HOXB3: variants seen among roughly 807,000 people sequenced by gnomAD.
HOXB3 encodes homeobox B3.
A neutral mutation model predicts 29.2 loss-of-function variants in HOXB3; 17 were observed. The observed-to-expected ratio is 0.58, with a 90% CI of 0.40 to 0.87. The LOEUF is 0.87. HOXB3 is among the 40% of genes least tolerant of loss of function. The probability of loss-of-function intolerance (pLI) is 0.00; values close to 1 mark genes in which losing one functional copy is unlikely to be tolerated. For missense variants in HOXB3, 637 were observed against 616.3 expected (o/e 1.03, Z -0.35); for synonymous variants, 317 against 285.9 (o/e 1.11, Z -1.10).
At chr17:48,562,799 A>C (rs1199959756) in intron 2 of HOXB3, among the ~76,000 whole-genome samples, 1 of 152,096 alleles carries the variant, frequency 6.6e-6, no homozygotes, top group African/African-American at 2.4e-5. Context: ...AATGCAAAAC[A>C]ATTTCCAGGC....
intron 2 of HOXB3, among the ~76,000 whole-genome samples, chr17:48,561,226 A>G (rs897636787): frequency 6.7e-6 from 1 of 149,816 alleles, no homozygotes; most frequent in Admixed American, 6.6e-5. Flanking sequence ...ACACACACAC[A>G]CTGAACAATG....
In HOXB3 at chr17:48,550,604, C is replaced by T. The variant is rs1349425382; in HGVS notation, c.1026G>A (p.Gly342=). 1 of 1,520,696 alleles carries T rather than the reference C, an allele frequency of 6.6e-7. No homozygotes were observed. The highest frequency in any genetic ancestry group is 8.8e-7 in the Non-Finnish European group (1 of 1,139,742). The allele number at this position is 1,520,696 out of a possible 1,614,324, so 94.2% of individuals were successfully genotyped here. A position where few individuals can be genotyped will look rare whatever the true frequency, so the allele number is the denominator to read the frequency against. ...CCGGACTGCCCTGCATGGTGGGCGT[C>T]CCGTAGGCGCCCCCGTTGGCTTGGA... ...HVLQANGGAY[G]TPTMQGSPVY... Residue 342 remains glycine, a synonymous_variant, in exon 5 of 5, where the codon GGG becomes GGA. Transcript: ENST00000498678.
intron 2 of HOXB3, among the ~76,000 whole-genome samples, chr17:48,558,547 T>G (rs921524423): frequency 2.0e-5 from 3 of 152,162 alleles, no homozygotes; most frequent in Non-Finnish European, 2.9e-5. Context: ...CCTTTTTTCT[T>G]CCATTCTCAG....
At chr17:48,582,016 T>C (rs1488285968) in intron 1 of HOXB3, 2 of 152,194 alleles carry the variant, frequency 1.3e-5, no homozygotes, top group Non-Finnish European at 2.9e-5. Context: ...CTGAGCCACC[T>C]CCCCTGCGCT....
chr17:48,552,210 A>G lies in HOXB3; in HGVS notation c.265T>C (p.Ser89Pro). 1 of 1,612,632 alleles carries G rather than the reference A, an allele frequency of 6.2e-7. No homozygotes were observed. The highest frequency in any genetic ancestry group is 1.1e-5 in the South Asian group (1 of 91,002). ...APEPLSAPPG[S>P]PPPSAAPTSA... ...GTAGGTGCGGCACTGGGCGGGGGTG[A>G]GCCAGGCGGGGCCGACAGGGGCTCG... Residue 89 changes from serine (S) to proline (P), a missense_variant, in exon 4 of 5, where the codon TCA becomes CCA. Ser to Pro is a moderately conservative substitution (Grantham distance 74, BLOSUM62 -1). Transcript: ENST00000498678.
chr17:48,584,751 C>T (rs1427004925), intron 1 of HOXB3, among the ~76,000 whole-genome samples: 1 of 152,166 alleles, frequency 6.6e-6, no homozygotes, highest in African/African-American at 2.4e-5. Context: ...CCACCAGTCT[C>T]GCCCTTTTTG....
Position 48,554,506 on chromosome 17 carries a change from CT to C in HOXB3, c.-159+1024del. 1.6e-6 allele frequency: 1 copy of C among 632,448 alleles called. No individual in the cohort carries two copies. The highest frequency in any genetic ancestry group is 2.8e-6 in the Non-Finnish European group (1 of 353,684). The allele number at this position is 632,448 out of a possible 1,614,324, so 39.2% of individuals were successfully genotyped here. A position where few individuals can be genotyped will look rare whatever the true frequency, so the allele number is the denominator to read the frequency against. On this transcript the variant is annotated intron_variant, in intron 3 of 4. Coordinates refer to ENST00000498678, the MANE Select transcript of HOXB3 (RefSeq NM_001384749.1). This position sits in a 1 kb window ranked among gnomAD's most constrained non-coding sequence, Gnocchi z 4.1. ...GAGACGCGATAGGAAAGAATGGAGA[CT>C]CCGCCGGTGGTGCAGACAGGGCTGG...
At chr17:48,576,313 CG>C (rs2069759006) in intron 1 of HOXB3, 1 of 157,536 alleles carries the variant, frequency 6.3e-6, no homozygotes, top group South Asian at 2.1e-4. Context: ...GTCTTCTCCT[CG>C]GCAGAGGAAA....
At position 48,554,237 on chromosome 17, in the gene HOXB3, T is replaced by C. The variant is rs1332413530; in HGVS notation, c.-159+1294A>G. 5.0e-6 allele frequency: 1 copy of C among 200,730 alleles called. No homozygotes were observed. The highest frequency in any genetic ancestry group is 1.0e-5 in the Non-Finnish European group (1 of 97,236). The allele number at this position is 200,730 out of a possible 1,614,324, so 12.4% of individuals were successfully genotyped here. On this transcript the variant is annotated intron_variant, in intron 3 of 4. Coordinates refer to ENST00000498678, the MANE Select transcript of HOXB3 (RefSeq NM_001384749.1). This position sits in a 1 kb window ranked among gnomAD's most constrained non-coding sequence, Gnocchi z 4.1. ...GGAATTAATTAACAGGCATTAGTTG[T>C]GGTTGTTATTAATAGAGAAGAGAAT... is the stretch of plus-strand genomic sequence containing the variant.
At chr17:48,586,825 C>T (rs977331559) in intron 1 of HOXB3, among the ~76,000 whole-genome samples, 2 of 152,112 alleles carry the variant, frequency 1.3e-5, no homozygotes, top group African/African-American at 2.4e-5. Flanking sequence ...CAAAATAAAA[C>T]AAACCAAATT....
At chr17:48,558,365 G>C (rs1244541281) in intron 2 of HOXB3, among the ~76,000 whole-genome samples, 1 of 152,128 alleles carries the variant, frequency 6.6e-6, no homozygotes, top group African/African-American at 2.4e-5. Context: ...GCATAGTGGG[G>C]TGGGAGTGAA....
chr17:48,579,805 C>CATATAT, intron 1 of HOXB3: 1 of 433,492 alleles, frequency 2.3e-6, no homozygotes, highest in African/African-American at 2.2e-5. Context: ...ACTACATATA[C>CATATAT]ATATATATAT....
chr17:48,564,645 G>C (rs1324396512), intron 2 of HOXB3, among the ~76,000 whole-genome samples: 2 of 152,262 alleles, frequency 1.3e-5, no homozygotes, highest in Admixed American at 6.5e-5. Context: ...AACTGACAGG[G>C]GCACGGCGAG....
intron 2 of HOXB3, among the ~76,000 whole-genome samples, chr17:48,571,343 G>C (rs763981951): frequency 1.3e-5 from 2 of 152,212 alleles, no homozygotes; most frequent in Non-Finnish European, 2.9e-5. Flanking sequence ...CACTGCCAGC[G>C]CTGGGGCCGC....
At chr17:48,568,644 C>CA in intron 2 of HOXB3, among the ~76,000 whole-genome samples, 2 of 151,376 alleles carry the variant, frequency 1.3e-5, no homozygotes, top group Admixed American at 1.3e-4. Flanking sequence ...CACGCACACA[C>CA]ACGCGCGGAC....
intron 3 of HOXB3, chr17:48,553,738 A>T (rs1322975534): frequency 4.0e-5 from 6 of 151,666 alleles, no homozygotes; most frequent in Non-Finnish European, 8.8e-5. Context: ...ACAGCCTTTT[A>T]AAAGTGTGCC....
chr17:48,552,027 C>T lies in HOXB3; in HGVS notation c.448G>A (p.Ala150Thr). ...GACAAGGAAGGCAGAGAACTGGTAC[C>T]TGTGCCGGGGGAGTTGTTTTTCAGC... ...SKLKNNSPGTAEGCGGGGGGG... is the reference protein window; with the variant it reads ...SKLKNNSPGTTEGCGGGGGGG... The change falls in exon 4 of 5, where the codon GCA becomes ACA. Residue 150 changes from alanine (A) to threonine (T), a missense_variant and splice_region_variant. Transcript: ENST00000498678. The T allele has an allele frequency of 1.9e-6, 3 of 1,564,198 alleles. No individual in the cohort carries two copies. The highest frequency in any genetic ancestry group is 2.6e-6 in the Non-Finnish European group (3 of 1,150,728).
chr17:48,568,827 AACAC>A (rs1459461461), intron 2 of HOXB3, among the ~76,000 whole-genome samples: 1 of 152,248 alleles, frequency 6.6e-6, no homozygotes, highest in Non-Finnish European at 1.5e-5. Context: ...AATGGGCATA[AACAC>A]ACAGAGCACC....
chr17:48,584,781 C>T (rs1279058682), intron 1 of HOXB3, among the ~76,000 whole-genome samples: 1 of 152,144 alleles, frequency 6.6e-6, no homozygotes, highest in African/African-American at 2.4e-5. Context: ...TTTTTCCTTC[C>T]TCAGTTTCCC....
Sources: gnomAD v4.1 joint callset for allele counts (sites outside exome capture counted in the v4.1 genomes callset) on GRCh38, gnomAD v4.1.1 for gene constraint, Gnocchi (gnomAD v3.1) non-coding constraint, MANE v1.5 for transcripts, NCBI Gene and HGNC (gene_info 2026-07-23, HGNC 2026-07-21) for gene names.